Variants in GSTCD observed in about 807,000 individuals in gnomAD.
GSTCD encodes glutathione S-transferase C-terminal domain-containing protein.
In GSTCD, 44 loss-of-function variants were observed where a neutral mutation model predicts 68.3. That is an observed-to-expected ratio of 0.64 (90% CI 0.51 to 0.83). The LOEUF is 0.83. Ranked by LOEUF, GSTCD falls within the 40% of genes least tolerant of loss-of-function variation. GSTCD has a pLI of 0.00. For missense variants in GSTCD, 739 were observed against 735.9 expected (o/e 1.00, Z -0.05); for synonymous variants, 273 against 255.2 (o/e 1.07, Z -0.67).
At chr4:105,763,436 A>G (rs1245486990) in intron 5 of GSTCD, among the ~76,000 whole-genome samples, 1 of 152,188 alleles carries the variant, frequency 6.6e-6, no homozygotes, top group Admixed American at 6.6e-5. Flanking sequence ...AACTGCTGTC[A>G]TCCCATTGCA....
chr4:105,717,861 C>G lies in GSTCD; in HGVS notation c.248C>G (p.Pro83Arg). Reference sequence around the variant, plus strand: ...ATTATTTCAAGGCAGGAGCTCCCACCAATAGTCCAAAATTGCTGTTTGCCT... The same window carrying G: ...ATTATTTCAAGGCAGGAGCTCCCACGAATAGTCCAAAATTGCTGTTTGCCT... ...IQIISRQELP[P>R]IVQNCCLPAV... The change falls in exon 2 of 12, where the codon CCA becomes CGA. Residue 83 changes from proline (P) to arginine (R), a missense_variant. By Grantham distance (103) the Pro-to-Arg change is moderately radical. Transcript: ENST00000515279. 1 of 1,614,046 alleles carries G rather than the reference C, an allele frequency of 6.2e-7. No individual in the cohort carries two copies. The highest frequency in any genetic ancestry group is 8.5e-7 in the Non-Finnish European group (1 of 1,179,974).
intron 5 of GSTCD, 136 bp downstream of exon 5, chr4:105,729,635 T>C: frequency 8.8e-6 from 4 of 456,516 alleles, no homozygotes; most frequent in Non-Finnish European, 1.5e-5. Context: ...CATTTTATTT[T>C]TCTTATGAAA....
chr4:105,726,698 A>G lies in GSTCD; in HGVS notation c.1014A>G (p.Gln338=), dbSNP rs376908705. Reference sequence around the variant, plus strand: ...CAGCAGCTTCTAAGTGTGGGATCCAATTTCTCCATTTACCAAAGTTGTTGA... The same window carrying G: ...CAGCAGCTTCTAAGTGTGGGATCCAGTTTCTCCATTTACCAAAGTTGTTGA... The part of the protein sequence containing the change: ...VKTAASKCGI[Q]FLHLPKLLTT... Residue 338 remains glutamine (Q), a synonymous_variant, in exon 4 of 12, where the codon CAA becomes CAG. Coordinates refer to ENST00000515279, the MANE Select transcript of GSTCD (RefSeq NM_001370181.1). 3.1e-6 allele frequency: 5 copies of G among 1,613,858 alleles called. No homozygotes were observed. Among genetic ancestry groups the G allele is most frequent in the African/African-American group, 1.3e-5 (1 of 74,914 alleles).
At chr4:105,754,429 A>C (rs1339067111) in intron 5 of GSTCD, among the ~76,000 whole-genome samples, 2 of 152,222 alleles carry the variant, frequency 1.3e-5, no homozygotes, top group Non-Finnish European at 2.9e-5. Context: ...TCAATAGTAT[A>C]ATGTTTATAG....
intron 5 of GSTCD, among the ~76,000 whole-genome samples, chr4:105,750,836 A>G (rs943485826): frequency 2.0e-5 from 3 of 152,218 alleles, no homozygotes; most frequent in African/African-American, 7.2e-5. Context: ...AATACTTGCA[A>G]CAAGTTGAAT....
In GSTCD at chr4:105,752,501, C is replaced by T. The variant is rs540752712; in HGVS notation, c.1240+23002C>T. Reference sequence around the variant, plus strand: ...TAAAACAAAATGCAATTATTTGATGCGAGGAAACATCTATGTGATCATACA... The same window carrying T: ...TAAAACAAAATGCAATTATTTGATGTGAGGAAACATCTATGTGATCATACA... On this transcript the variant is annotated intron_variant, in intron 5 of 11. Transcript: ENST00000515279. Among the ~76,000 whole-genome samples, 19 of 151,928 alleles carry T rather than the reference C, an allele frequency of 1.3e-4. No homozygotes were observed. In the South Asian group the frequency reaches 3.3e-3, roughly 27 times the overall value.
chr4:105,719,019 T>A, intron 2 of GSTCD, 41 bp from the exon 3 acceptor site: 1 of 1,442,536 alleles, frequency 6.9e-7, no homozygotes, highest in Non-Finnish European at 9.5e-7. Flanking sequence ...ATATTGAAAT[T>A]AAAAAATCTT....
chr4:105,773,861 T>C (rs1734949722), intron 5 of GSTCD, among the ~76,000 whole-genome samples: 1 of 152,194 alleles, frequency 6.6e-6, no homozygotes, highest in Admixed American at 6.5e-5. Context: ...TCTGTAGATG[T>C]TTATTAGGTT....
intron 1 of GSTCD, among the ~76,000 whole-genome samples, chr4:105,709,951 A>G (rs538316738): frequency 1.3e-5 from 2 of 152,188 alleles, no homozygotes; most frequent in East Asian, 1.9e-4. Flanking sequence ...TTTAATAAAC[A>G]TTAAGCTATG....
chr4:105,725,359 C>A (rs559639880), intron 3 of GSTCD, among the ~76,000 whole-genome samples: 1 of 152,194 alleles, frequency 6.6e-6, no homozygotes, highest in South Asian at 2.1e-4. Context: ...ATTTGAAGCA[C>A]AATTACTGGA....
chr4:105,719,409 C>G lies in GSTCD; in HGVS notation c.776C>G (p.Pro259Arg), dbSNP rs762752688. 1.2e-6 allele frequency: 2 copies of G among 1,614,126 alleles called. No homozygotes were observed. The highest frequency in any genetic ancestry group is 1.7e-6 in the Non-Finnish European group (2 of 1,179,988). ...QEEPATTNRE[P>R]SHIRKAKASD... ...GAACCAGCTACTACCAACAGAGAGC[C>G]TTCTCACATCAGAAAAGCAAAAGCC... The change falls in exon 3 of 12, where the codon CCT becomes CGT. Residue 259 changes from proline to arginine, a missense_variant. Physicochemically the swap from Pro to Arg is moderately radical, Grantham distance 103. Coordinates refer to ENST00000515279, the MANE Select transcript of GSTCD (RefSeq NM_001370181.1).
chr4:105,775,638 T>C (rs1735027501), intron 5 of GSTCD, among the ~76,000 whole-genome samples: 2 of 152,198 alleles, frequency 1.3e-5, no homozygotes, highest in African/African-American at 4.8e-5. Context: ...TTGCTGGAGG[T>C]CTGCTCCACA....
chr4:105,742,874 C>G (rs1029616295), intron 5 of GSTCD, among the ~76,000 whole-genome samples: 2 of 151,866 alleles, frequency 1.3e-5, no homozygotes, highest in Non-Finnish European at 2.9e-5. Flanking sequence ...GCCATCATAC[C>G]TGGCTAATTT....
intron 3 of GSTCD, among the ~76,000 whole-genome samples, chr4:105,720,588 AAGAG>A (rs1302174782): frequency 6.6e-6 from 1 of 152,204 alleles, no homozygotes; most frequent in Non-Finnish European, 1.5e-5. Flanking sequence ...ACAATATAAA[AAGAG>A]AGAGATCCAG....
chr4:105,811,028 G>A (rs1722725640), intron 5 of GSTCD, among the ~76,000 whole-genome samples: 2 of 152,110 alleles, frequency 1.3e-5, no homozygotes, highest in African/African-American at 4.8e-5. Context: ...TCCTGAAGTA[G>A]ATTCCTAAAA....
At chr4:105,808,347 C>A (rs1446514750) in intron 5 of GSTCD, among the ~76,000 whole-genome samples, 2 of 152,068 alleles carry the variant, frequency 1.3e-5, no homozygotes, top group Non-Finnish European at 2.9e-5. Flanking sequence ...TTATCCCTGT[C>A]TCTTTATTTT....
At chr4:105,756,499 C>T (rs964185564) in intron 5 of GSTCD, among the ~76,000 whole-genome samples, 6 of 117,278 alleles carry the variant, frequency 5.1e-5, no homozygotes, top group African/African-American at 1.6e-4. Flanking sequence ...TGCACATACA[C>T]ACACACACAC....
chr4:105,778,058 G>A (rs1439838593), intron 5 of GSTCD, among the ~76,000 whole-genome samples: 2 of 152,104 alleles, frequency 1.3e-5, no homozygotes, highest in Admixed American at 6.6e-5. Context: ...AGACTTGATT[G>A]GAGTTGGCAT....
At chr4:105,797,778 T>C (rs989074706) in intron 5 of GSTCD, among the ~76,000 whole-genome samples, 1 of 143,928 alleles carries the variant, frequency 6.9e-6, no homozygotes. Context: ...TTTTTTTTTT[T>C]TTTTTTTTTT....
Sources: allele counts gnomAD v4.1 joint callset (sites outside exome capture counted in the v4.1 genomes callset), GRCh38; gene constraint gnomAD v4.1.1; transcripts MANE v1.5; gene names NCBI Gene and HGNC (gene_info 2026-07-23, HGNC 2026-07-21).